The following WNK1 variants were observed in gnomAD, a reference collection of about 807,000 sequenced individuals.
The protein encoded by WNK1 is WNK lysine deficient protein kinase 1, also known as serine/threonine-protein kinase WNK1.
In WNK1, 38 loss-of-function variants were observed where a neutral mutation model predicts 222.8. The ratio of observed to expected loss-of-function variants is 0.17; its 90% CI spans 0.13 to 0.22. The LOEUF (loss-of-function observed/expected upper bound fraction) is 0.22, where lower values mean the gene tolerates loss of function less well. WNK1 is among the 10% of genes least tolerant of loss of function. The pLI is 1.00. For synonymous variants in WNK1, 1,090 were observed against 1,092.9 expected, an observed-to-expected ratio of 1.00 and a Z score of 0.05; for missense variants, 2,348 against 2,918.4, an observed-to-expected ratio of 0.80 and a Z score of 4.50.
chr12:763,352 G>A (rs1230831056), intron 1 of WNK1, among the ~76,000 whole-genome samples: 3 of 146,990 alleles, frequency 2.0e-5, no homozygotes, highest in Non-Finnish European at 4.6e-5. Context: ...GGGAGGCCGA[G>A]GTTAGTGGAT....
At chr12:876,458 C>T (rs571839909) in intron 9 of WNK1, among the ~76,000 whole-genome samples, 1 of 152,240 alleles carries the variant, frequency 6.6e-6, no homozygotes, top group South Asian at 2.1e-4. Context: ...ATAAACCAAA[C>T]ATGACTGCTG....
At chr12:892,641 G>A (rs953361) in intron 22 of WNK1, among the ~76,000 whole-genome samples, 54,975 of 151,958 alleles carry the variant, frequency 0.36, 10,452 homozygotes, top group East Asian at 0.52. Flanking sequence ...AAAAGAACTC[G>A]TTTTGCTAAT....
intron 2 of WNK1, 84 bp downstream of exon 2, chr12:813,898 T>C (rs1232109687): frequency 6.8e-7 from 1 of 1,469,640 alleles, no homozygotes; most frequent in African/African-American, 1.4e-5. Context: ...AGTTTCACTT[T>C]GGTTGTTCAG....
At chr12:891,608 T>TC (rs991109945) in intron 22 of WNK1, among the ~76,000 whole-genome samples, 1 of 151,080 alleles carries the variant, frequency 6.6e-6, no homozygotes, top group Non-Finnish European at 1.5e-5. Context: ...TTTTCTTTTT[T>TC]TTTTTTTTTT....
chr12:813,754 T>C lies in WNK1; in HGVS notation c.872T>C (p.Val291Ala). The C allele has an allele frequency of 1.2e-6, 2 of 1,614,016 alleles. No individual in the cohort carries two copies. Among genetic ancestry groups the C allele is most frequent in the Non-Finnish European group, 1.7e-6 (2 of 1,179,972 alleles). The change falls in exon 2 of 28, where the codon GTA (valine) becomes GCA (alanine). Residue 291 changes from valine to alanine, a missense_variant. Val to Ala is a moderately conservative substitution (Grantham distance 64). This residue lies in a region of WNK1 where 57 missense variants were observed against 219.0 expected (regional missense o/e 0.26). Coordinates refer to ENST00000315939, the MANE Select transcript of WNK1 (RefSeq NM_018979.4). The part of the protein sequence containing the change: ...VRFYDSWEST[V>A]KGKKCIVLVT... Reference sequence around the variant, plus strand: ...TTTTATGATTCCTGGGAATCCACAGTAAAAGGAAAGAAGTGCATTGTTTTG... The same window carrying C: ...TTTTATGATTCCTGGGAATCCACAGCAAAAGGAAAGAAGTGCATTGTTTTG...
At position 896,090 on chromosome 12, in the gene WNK1, G is replaced by A. The variant is rs2154094498; in HGVS notation, c.5603G>A (p.Gly1868Asp). 6.2e-7 allele frequency: 1 copy of A among 1,614,198 alleles called. No homozygotes were observed. The highest frequency in any genetic ancestry group is 2.2e-5 in the East Asian group (1 of 44,880). The change falls in exon 24 of 28, where the codon GGT (glycine) becomes GAT (aspartate). Residue 1868 changes from glycine to aspartate, a missense_variant. Coordinates refer to ENST00000315939, the MANE Select transcript of WNK1 (RefSeq NM_018979.4). ...TATCAGGTTTCTGTTGCAGCAGACG[G>A]TGCCCAGAAAGAGGGTAAAAATAAG... ...GRFQVSVAAD[G>D]AQKEGKNKSE...
intron 8 of WNK1, chr12:869,180 T>G: frequency 1.3e-6 from 2 of 1,551,458 alleles, no homozygotes; most frequent in Non-Finnish European, 1.8e-6. Flanking sequence ...TATTCCTTAT[T>G]TCCCTGAATC....
At chr12:836,205 T>A (rs1949167988) in intron 4 of WNK1, among the ~76,000 whole-genome samples, 1 of 152,140 alleles carries the variant, frequency 6.6e-6, no homozygotes, top group Non-Finnish European at 1.5e-5. Flanking sequence ...AAAGTTGTAG[T>A]GGATCAAAGT....
Position 879,513 on chromosome 12 carries a change from C to CTTTTTTTTTTTTTTTTTTTTTTTTGT in WNK1, c.2374-36_2374-35insGTTTTTTTTTTTTTTTTTTTTTTTTT. The CTTTTTTTTTTTTTTTTTTTTTTTTGT allele has an allele frequency of 7.4e-6, 3 of 403,026 alleles. No individual in the cohort carries two copies. The South Asian group carries it at 8.9e-5, about 12-fold the overall frequency. 25.0% of individuals were successfully genotyped at this position (403,026 alleles called of 1,614,324 possible). On this transcript the variant is annotated intron_variant, in intron 10 of 27. Transcript: ENST00000315939. The stretch of plus-strand genomic sequence containing the variant: ...ATAAATCTTGCTTTTGGCAGCCTTG[C>CTTTTTTTTTTTTTTTTTTTTTTTTGT]TTTTTTTTTTTTTTTTTTTTTTTTA...
rs1157055418 is a variant in WNK1 at position 884,392 on chromosome 12, G to A, written c.3844+149G>A. The A allele has an allele frequency of 1.5e-6, 2 of 1,292,628 alleles. No homozygotes were observed. The highest frequency in any genetic ancestry group is 2.2e-6 in the Non-Finnish European group (2 of 921,850). 80.1% of individuals were successfully genotyped at this position (1,292,628 alleles called of 1,614,324 possible). ...TTATAACCAACAGATAAACATATGG[G>A]AGAGGGAAATAGATGAAGAATACAG... On this transcript the variant is annotated intron_variant, in intron 18 of 27. Transcript: ENST00000315939. This position sits in a 1 kb window ranked among gnomAD's most constrained non-coding sequence, Gnocchi z 5.6.
rs763740722 is a variant in WNK1, at chr12:885,187, G to A, written c.4383G>A (p.Gly1461=). 3.1e-6 allele frequency: 5 copies of A among 1,614,092 alleles called. No homozygotes were observed. The African/African-American group carries it at 6.7e-5, about 22-fold the overall frequency. The change falls in exon 19 of 28, where the codon GGG becomes GGA. Residue 1461 remains glycine, a synonymous_variant. Transcript: ENST00000315939. ...TTTCAGCAACTTCAGCCTCTGCAGG[G>A]GGCAGTACTGCTACCCCAGGTCCTA... ...VTVSATSASA[G]GSTATPGPKP... is the part of the protein sequence containing the mutation.
intron 1 of WNK1, among the ~76,000 whole-genome samples, chr12:785,409 C>CT (rs1565426663): frequency 1.9e-5 from 2 of 106,104 alleles, no homozygotes; most frequent in African/African-American, 3.0e-5. Context: ...CCCCCCCCCC[C>CT]ACCCCCTCGA....
At chr12:787,125 C>T (rs372021527) in intron 1 of WNK1, among the ~76,000 whole-genome samples, 1 of 152,056 alleles carries the variant, frequency 6.6e-6, no homozygotes, top group African/African-American at 2.4e-5. Flanking sequence ...TTTTAAAACA[C>T]CTACATATTA....
At chr12:851,416 T>G (rs1321205961) in intron 4 of WNK1, 2 of 1,110,896 alleles carry the variant, frequency 1.8e-6, no homozygotes, top group Non-Finnish European at 2.2e-6. Flanking sequence ...TTTGCTTGTC[T>G]AGGATCTATT....
intron 1 of WNK1, among the ~76,000 whole-genome samples, chr12:766,830 G>A (rs1941763586): frequency 1.3e-5 from 2 of 151,728 alleles, no homozygotes; most frequent in Non-Finnish European, 2.9e-5. Context: ...AGGCTGGAGT[G>A]CAGTGGCATG....
chr12:877,094 G>A (rs1336243734), intron 9 of WNK1, among the ~76,000 whole-genome samples: 2 of 106,678 alleles, frequency 1.9e-5, no homozygotes, highest in Non-Finnish European at 3.4e-5. Flanking sequence ...ACAGAGTTTC[G>A]ATCTTGTTGC....
intron 8 of WNK1, chr12:868,220 A>G (rs1951843898): frequency 6.2e-7 from 1 of 1,610,962 alleles, no homozygotes; most frequent in Non-Finnish European, 8.5e-7. Flanking sequence ...CAGTGACTAT[A>G]GACCTGGACT....
Position 868,042 on chromosome 12 carries a change from C to G in WNK1, c.2140-3223C>G, listed in dbSNP as rs541998892. On this transcript the variant is annotated intron_variant, in intron 8 of 27. Transcript: ENST00000315939. Reference sequence around the variant, plus strand: ...CCTTCCTGGAAGCCCAAACTCACCACTTCCAACCCCTGCTGAGGACTGTTG... The same window carrying G: ...CCTTCCTGGAAGCCCAAACTCACCAGTTCCAACCCCTGCTGAGGACTGTTG... The G allele has an allele frequency of 1.2e-6, 2 of 1,614,042 alleles. No individual in the cohort carries two copies. The highest frequency in any genetic ancestry group is 1.7e-6 in the Non-Finnish European group (2 of 1,179,888).
intron 4 of WNK1, among the ~76,000 whole-genome samples, chr12:853,681 G>T (rs1297697280): frequency 6.6e-6 from 1 of 152,138 alleles, no homozygotes; most frequent in East Asian, 1.9e-4. Flanking sequence ...CATTTGCTTT[G>T]TTAAATTAAT....
Sources: gnomAD v4.1 joint callset for allele counts (sites outside exome capture counted in the v4.1 genomes callset) on GRCh38, gnomAD v4.1.1 for gene constraint, gnomAD v4.1.1 regional missense constraint, Gnocchi (gnomAD v3.1) non-coding constraint, MANE v1.5 for transcripts, NCBI Gene and HGNC (gene_info 2026-07-23, HGNC 2026-07-21) for gene names.